BAZ2B: variants seen among roughly 807,000 people sequenced by gnomAD.
BAZ2B encodes bromodomain adjacent to zinc finger domain protein 2B.
Under a neutral mutation model 246.0 loss-of-function variants are expected in BAZ2B, and 91 were observed. The observed-to-expected ratio is 0.37, with a 90% CI of 0.31 to 0.44. The LOEUF (loss-of-function observed/expected upper bound fraction) is 0.44. BAZ2B is among the 20% of genes least tolerant of loss of function. The pLI is 1.00. For missense variants in BAZ2B, 2,332 were observed against 2,533.7 expected, an observed-to-expected ratio of 0.92 and a Z score of 1.71; for synonymous variants, 855 against 860.0, an observed-to-expected ratio of 0.99 and a Z score of 0.10.
At chr2:159,682,109 T>G in the BAZ2B span, among the ~76,000 whole-genome samples, 1 of 151,560 alleles carries the variant, frequency 6.6e-6, no homozygotes, top group Non-Finnish European at 1.5e-5. Flanking sequence ...ATGGCAATCC[T>G]ATAGGACTGG....
In BAZ2B at chr2:159,479,291, C is replaced by G. The variant is rs543843947; in HGVS notation, c.-2-570G>C. ...GATTTCAAAATGGCCTTAGTTGTGA[C>G]CCATTTAAAATGACAAAAGCACTTC... On this transcript the variant is annotated intron_variant, in intron 2 of 36. Coordinates refer to ENST00000392783, the MANE Select transcript of BAZ2B (RefSeq NM_013450.4). 3.9e-5 allele frequency among the ~76,000 whole-genome samples: 6 copies of G among 152,182 alleles called. No individual in the cohort carries two copies. The East Asian group carries it at 1.2e-3, about 29-fold the overall frequency.
At chr2:159,533,891 T>C (rs2085637905) in intron 2 of BAZ2B, among the ~76,000 whole-genome samples, 1 of 152,250 alleles carries the variant, frequency 6.6e-6, no homozygotes, top group South Asian at 2.1e-4. Context: ...ACTTTTAATG[T>C]AGACTAAGCC....
At chr2:159,663,139 A>G in the BAZ2B span, among the ~76,000 whole-genome samples, 1 of 151,440 alleles carries the variant, frequency 6.6e-6, no homozygotes, top group Non-Finnish European at 1.5e-5. Context: ...ACCCTAGGAC[A>G]AAAGTTTTAA....
intron 2 of BAZ2B, among the ~76,000 whole-genome samples, chr2:159,490,525 T>TG (rs1246659164): frequency 6.6e-6 from 1 of 152,186 alleles, no homozygotes; most frequent in Non-Finnish European, 1.5e-5. Context: ...TTTGTTTGTT[T>TG]GTTTGCTTTG....
At chr2:159,615,930 G>C (rs1048842098) in intron 1 of BAZ2B, 1 of 152,322 alleles carries the variant, frequency 6.6e-6, no homozygotes, top group Non-Finnish European at 1.5e-5. Context: ...TAAAGTTTAC[G>C]TTCTCCTGAG....
At chr2:159,660,091 A>G in the BAZ2B span, among the ~76,000 whole-genome samples, 1 of 152,164 alleles carries the variant, frequency 6.6e-6, no homozygotes, top group Non-Finnish European at 1.5e-5. Flanking sequence ...GAAACTCTAT[A>G]CCCATTAAAC....
At chr2:159,425,500 A>G (rs138177257) in intron 13 of BAZ2B, among the ~76,000 whole-genome samples, 1 of 152,312 alleles carries the variant, frequency 6.6e-6, no homozygotes, top group African/African-American at 2.4e-5. Context: ...CATTATATAC[A>G]TAAAACAAGC....
At chr2:159,360,939 C>T (rs566117635) in intron 27 of BAZ2B, among the ~76,000 whole-genome samples, 3 of 152,126 alleles carry the variant, frequency 2.0e-5, no homozygotes, top group African/African-American at 7.2e-5. Flanking sequence ...ACACCTTATA[C>T]GAAAATTAAC....
chr2:159,320,706 G>A (rs998524939), intron 36 of BAZ2B, among the ~76,000 whole-genome samples: 5 of 152,092 alleles, frequency 3.3e-5, no homozygotes, highest in Non-Finnish European at 7.4e-5. Context: ...TGTTTGACCT[G>A]TATCACACAA....
rs564668645 is a variant in BAZ2B, at chr2:159,457,970, C to T, written c.146-4169G>A. 6.4e-4 allele frequency among the ~76,000 whole-genome samples: 97 copies of T among 152,252 alleles called. 2 individuals carry two copies. The highest frequency in any genetic ancestry group is 4.7e-4 in the Non-Finnish European group (32 of 68,024). On this transcript the variant is annotated intron_variant, in intron 3 of 36. Coordinates refer to ENST00000392783, the MANE Select transcript of BAZ2B (RefSeq NM_013450.4). ...CCCTCTAATCTTTATTGTTTTCATT[C>T]TCAACCTCTTATATAAGTCTGGCAT... is the stretch of plus-strand genomic sequence containing the variant.
chr2:159,662,600 C>A, the BAZ2B span, among the ~76,000 whole-genome samples: 1 of 152,224 alleles, frequency 6.6e-6, no homozygotes, highest in Non-Finnish European at 1.5e-5. Context: ...TCTCTGCTCA[C>A]TGCAATCTCT....
In BAZ2B at chr2:159,404,891, C is replaced by A. The variant is rs1179003386; in HGVS notation, c.2790G>T (p.Glu930Asp). ...KKQQAIMAAEEKRKQKEQIKI... is the reference protein window; with the variant it reads ...KKQQAIMAAEDKRKQKEQIKI... Reference sequence around the variant, plus strand: ...TTATCTGTTCTTTTTGCTTCCGCTTCTCCTCAGCAGCCATTATTGCTACAA... The same window carrying A: ...TTATCTGTTCTTTTTGCTTCCGCTTATCCTCAGCAGCCATTATTGCTACAA... The change falls in exon 16 of 37, where the codon GAG becomes GAT. Residue 930 changes from glutamate to aspartate, a missense_variant. Around this residue, in one of 9 missense-constraint regions of BAZ2B, gnomAD observed 651 missense variants for 650.9 expected, o/e 1.00. Transcript: ENST00000392783. 3.7e-6 allele frequency: 6 copies of A among 1,613,374 alleles called. No individual in the cohort carries two copies. The highest frequency in any genetic ancestry group is 5.1e-6 in the Non-Finnish European group (6 of 1,179,934).
intron 20 of BAZ2B, among the ~76,000 whole-genome samples, chr2:159,392,893 C>T (rs2063519429): frequency 6.6e-6 from 1 of 152,014 alleles, no homozygotes. Context: ...TTGCTATCTT[C>T]CATTTTCAGT....
At chr2:159,598,118 C>T (rs1691205818) in intron 1 of BAZ2B, among the ~76,000 whole-genome samples, 2 of 152,114 alleles carry the variant, frequency 1.3e-5, no homozygotes, top group East Asian at 1.9e-4. Flanking sequence ...CTCAGCCTCC[C>T]GAGTAGCTAG....
chr2:159,544,137 T>C (rs564227085), intron 2 of BAZ2B, among the ~76,000 whole-genome samples: 3 of 152,202 alleles, frequency 2.0e-5, no homozygotes, highest in Non-Finnish European at 2.9e-5. Context: ...TCCTGTAAAT[T>C]AGGCTTGATC....
rs571693211 is a variant in BAZ2B, at chr2:159,370,033, A to C, written c.4213+3012T>G. On this transcript the variant is annotated intron_variant, in intron 27 of 36. Coordinates refer to ENST00000392783, the MANE Select transcript of BAZ2B (RefSeq NM_013450.4). ...ATGTCCTTTGTAGGGACATGGATGA[A>C]GCTGGAAACCATCATTCTCAGCAAA... 9.9e-5 allele frequency among the ~76,000 whole-genome samples: 15 copies of C among 152,282 alleles called. No homozygotes were observed. In the South Asian group the frequency reaches 2.7e-3, roughly 27 times the overall value.
chr2:159,396,109 G>A, intron 19 of BAZ2B: 1 of 253,976 alleles, frequency 3.9e-6, no homozygotes, highest in Non-Finnish European at 7.5e-6. Flanking sequence ...TTTACTTATG[G>A]TCAGTTGTGA....
the BAZ2B span, among the ~76,000 whole-genome samples, chr2:159,681,040 G>T: frequency 6.6e-6 from 1 of 152,096 alleles, no homozygotes; most frequent in Non-Finnish European, 1.5e-5. Context: ...AGATCAAGAA[G>T]TAAAGGAGAA....
At position 159,508,236 on chromosome 2, in the gene BAZ2B, A is replaced by T. The variant is rs1425045; in HGVS notation, c.-2-29515T>A. On this transcript the variant is annotated intron_variant, in intron 2 of 36. Transcript: ENST00000392783. ...TAAATAGAACTTCCATCACAAGTTCAGCAGGTTCCTTGAAATGGAAGTTGG... is the reference window on the plus strand; with the variant it reads ...TAAATAGAACTTCCATCACAAGTTCTGCAGGTTCCTTGAAATGGAAGTTGG... Among the ~76,000 whole-genome samples the T allele has an allele frequency of 3.3e-5, 5 of 152,056 alleles. No homozygotes were observed. The East Asian group carries it at 7.7e-4, about 23-fold the overall frequency.
Sources: gnomAD v4.1 joint callset for allele counts (sites outside exome capture counted in the v4.1 genomes callset) on GRCh38, gnomAD v4.1.1 for gene constraint, gnomAD v4.1.1 regional missense constraint, MANE v1.5 for transcripts, NCBI Gene and HGNC (gene_info 2026-07-23, HGNC 2026-07-21) for gene names.